Variants in PDE4D observed in about 807,000 individuals in gnomAD.
PDE4D encodes 3',5'-cyclic-AMP phosphodiesterase 4D.
In PDE4D, 24 loss-of-function variants were observed where a neutral mutation model predicts 87.4. That is an observed-to-expected ratio of 0.27 (90% confidence interval 0.20 to 0.39). PDE4D has a LOEUF of 0.39. PDE4D is among the 10% of genes least tolerant of loss of function. The probability of loss-of-function intolerance (pLI) is 1.00; values close to 1 mark genes in which losing one functional copy is unlikely to be tolerated. For synonymous variants in PDE4D, 384 were observed against 383.2 expected (o/e 1.00, Z -0.02); for missense variants, 714 against 1,041.0 (o/e 0.69, Z 4.32).
intron 1 of PDE4D, among the ~76,000 whole-genome samples, chr5:59,402,672 A>T (rs1790878068): frequency 6.6e-6 from 1 of 152,232 alleles, no homozygotes; most frequent in Non-Finnish European, 1.5e-5. Flanking sequence ...TTTTATATTT[A>T]CAAAATAATT....
chr5:59,344,127 A>T (rs1168106226), intron 1 of PDE4D, among the ~76,000 whole-genome samples: 4 of 152,148 alleles, frequency 2.6e-5, no homozygotes, highest in Non-Finnish European at 5.9e-5. Flanking sequence ...AAGATACTAA[A>T]CGTTTTATGG....
At chr5:60,352,271 A>G (rs549868457) in intron 1 of PDE4D, among the ~76,000 whole-genome samples, 8 of 152,306 alleles carry the variant, frequency 5.3e-5, no homozygotes, top group African/African-American at 1.9e-4. Flanking sequence ...TCAGCTTAGC[A>G]TGGCTCACAG....
chr5:59,517,580 C>T (rs894813517), intron 1 of PDE4D, among the ~76,000 whole-genome samples: 3 of 152,196 alleles, frequency 2.0e-5, no homozygotes, highest in Non-Finnish European at 4.4e-5. Flanking sequence ...TAACACCCAG[C>T]TCAGACACTT....
At chr5:59,535,856 G>A (rs371196526) in intron 1 of PDE4D, among the ~76,000 whole-genome samples, 7 of 152,196 alleles carry the variant, frequency 4.6e-5, no homozygotes, top group South Asian at 2.1e-4. Context: ...GTTTATAAAT[G>A]GCAGGTCCTG....
At chr5:60,039,815 G>A (rs183537049) in intron 2 of PDE4D, among the ~76,000 whole-genome samples, 1 of 152,140 alleles carries the variant, frequency 6.6e-6, no homozygotes, top group Non-Finnish European at 1.5e-5. Context: ...CCACCATCAG[G>A]AAATTCTGCT....
At chr5:60,058,321 A>C (rs1465929769) in intron 2 of PDE4D, among the ~76,000 whole-genome samples, 1 of 151,866 alleles carries the variant, frequency 6.6e-6, no homozygotes, top group African/African-American at 2.4e-5. Flanking sequence ...CTTGCATTTG[A>C]TCTGCTGACT....
intron 2 of PDE4D, among the ~76,000 whole-genome samples, chr5:60,008,705 A>G (rs2409679): frequency 0.73 from 111,177 of 151,826 alleles, 41,262 homozygotes; most frequent in East Asian, 0.9. Context: ...TATTTGGGGG[A>G]AATAATGTCA....
upstream of PDE4D, among the ~76,000 whole-genome samples, chr5:59,895,809 AT>A (rs1413001195): frequency 7.2e-5 from 11 of 152,112 alleles, no homozygotes; most frequent in African/African-American, 1.4e-4. Context: ...GTGACTTATA[AT>A]TTTTTTCCAG....
intron 1 of PDE4D, among the ~76,000 whole-genome samples, chr5:59,396,494 T>A: frequency 2.4e-5 from 2 of 84,456 alleles, no homozygotes; most frequent in Non-Finnish European, 4.6e-5. Context: ...GCTTCATAAG[T>A]GAAGGAGAAA....
At chr5:59,205,629 G>A (rs1748581726) in intron 2 of PDE4D, among the ~76,000 whole-genome samples, 1 of 143,394 alleles carries the variant, frequency 7.0e-6, no homozygotes, top group Non-Finnish European at 1.5e-5. Context: ...TCTCGGTGCT[G>A]TCTAATATGC....
At chr5:59,473,543 AAGG>A (rs776571586) in intron 1 of PDE4D, among the ~76,000 whole-genome samples, 2 of 152,084 alleles carry the variant, frequency 1.3e-5, no homozygotes, top group Non-Finnish European at 2.9e-5. Context: ...TTTATTTTTC[AAGG>A]AGGAGAATTT....
intron 3 of PDE4D, among the ~76,000 whole-genome samples, chr5:59,914,909 GTGTA>G (rs1442062275): frequency 7.9e-5 from 11 of 139,254 alleles, no homozygotes; most frequent in East Asian, 2.2e-4. Flanking sequence ...GTGTGTGTGT[GTGTA>G]TGTGTGTAAA....
intron 1 of PDE4D, among the ~76,000 whole-genome samples, chr5:59,488,672 T>C (rs541896387): frequency 1.0e-4 from 12 of 118,002 alleles, no homozygotes; most frequent in Admixed American, 9.6e-4. Flanking sequence ...CTAGAGATAA[T>C]CTTCTTTTTT....
chr5:59,503,487 T>C (rs1808685880), intron 1 of PDE4D, among the ~76,000 whole-genome samples: 1 of 152,096 alleles, frequency 6.6e-6, no homozygotes, highest in East Asian at 1.9e-4. Context: ...AATAAGTAGA[T>C]AACGATATCT....
intron 1 of PDE4D, among the ~76,000 whole-genome samples, chr5:59,497,121 C>T (rs898790769): frequency 6.6e-6 from 1 of 152,136 alleles, no homozygotes; most frequent in African/African-American, 2.4e-5. Flanking sequence ...AGCTGATCCA[C>T]CCATACACAT....
At chr5:59,823,384 G>C (rs1285318669) in intron 1 of PDE4D, among the ~76,000 whole-genome samples, 1 of 151,978 alleles carries the variant, frequency 6.6e-6, no homozygotes, top group East Asian at 1.9e-4. Flanking sequence ...TAACAGTGAT[G>C]CTTTTAGTTT....
intron 1 of PDE4D, among the ~76,000 whole-genome samples, chr5:59,556,772 T>G (rs1023607973): frequency 2.0e-5 from 3 of 151,948 alleles, no homozygotes; most frequent in African/African-American, 4.8e-5. Context: ...ACATTCTGAA[T>G]TAAAAAAAAA....
At chr5:60,465,792 C>A (rs1358450386) in intron 1 of PDE4D, among the ~76,000 whole-genome samples, 1 of 151,792 alleles carries the variant, frequency 6.6e-6, no homozygotes, top group Non-Finnish European at 1.5e-5. Flanking sequence ...CTCACATTAG[C>A]CTACAGTTGG....
intron 5 of PDE4D, among the ~76,000 whole-genome samples, chr5:59,134,193 A>C (rs1168501591): frequency 6.8e-6 from 1 of 147,670 alleles, no homozygotes; most frequent in Middle Eastern, 3.2e-3. Context: ...TGTGAGATTT[A>C]GAAAAAAAGA....
Sources: gnomAD v4.1 joint callset for allele counts (sites outside exome capture counted in the v4.1 genomes callset) on GRCh38, gnomAD v4.1.1 for gene constraint, MANE v1.5 for transcripts, NCBI Gene and HGNC (gene_info 2026-07-23, HGNC 2026-07-21) for gene names.